Variants in ITPRID1 observed in about 807,000 individuals in gnomAD.
The protein encoded by ITPRID1 is protein ITPRID1.
In ITPRID1, 96 loss-of-function variants were observed where a neutral mutation model predicts 95.4. The observed-to-expected ratio is 1.01, with a 90% CI of 0.85 to 1.19. The LOEUF (loss-of-function observed/expected upper bound fraction) is 1.19, where lower values mean the gene tolerates loss of function less well. Among genes scored for constraint, ITPRID1 ranks in the 50% most tolerant of loss-of-function variants. The pLI is 0.00. For synonymous variants in ITPRID1, 510 were observed against 453.6 expected (o/e 1.12, Z -1.58); for missense variants, 1,339 against 1,252.9 (o/e 1.07, Z -1.04).
intron 8 of ITPRID1, 46 bp from the exon 9 acceptor site, chr7:31,577,817 C>CA (rs751954369): frequency 2.0e-6 from 3 of 1,469,824 alleles, no homozygotes; most frequent in East Asian, 4.7e-5. Flanking sequence ...ATGGTTTCAG[C>CA]AAAAAAGACC....
At chr7:31,563,878 T>C (rs574896785) in intron 5 of ITPRID1, among the ~76,000 whole-genome samples, 167 of 152,178 alleles carry the variant, frequency 1.1e-3, no homozygotes, top group African/African-American at 3.9e-3. Flanking sequence ...GTCAGCAGAG[T>C]GTAAGAGACT....
chr7:31,596,176 A>T (rs1222480697), intron 10 of ITPRID1, among the ~76,000 whole-genome samples: 1 of 151,466 alleles, frequency 6.6e-6, no homozygotes, highest in Admixed American at 6.6e-5. Flanking sequence ...AGAAAAGATA[A>T]ATAAGCTAAT....
chr7:31,594,887 T>C (rs1393613827), intron 10 of ITPRID1, among the ~76,000 whole-genome samples: 2 of 151,974 alleles, frequency 1.3e-5, no homozygotes, highest in Admixed American at 1.3e-4. Context: ...GGGGAGCTTT[T>C]AATATTCCTT....
At chr7:31,589,270 A>G (rs1785760749) in intron 10 of ITPRID1, among the ~76,000 whole-genome samples, 1 of 152,142 alleles carries the variant, frequency 6.6e-6, no homozygotes, top group Admixed American at 6.6e-5. Flanking sequence ...GTTATCCAAC[A>G]ATCGGAAGAT....
chr7:31,642,786 G>A lies in ITPRID1; in HGVS notation c.1416G>A (p.Ser472=), dbSNP rs146986060. The change falls in exon 12 of 15, where the codon TCG becomes TCA. Residue 472 remains serine (S), a synonymous_variant. Transcript: ENST00000615280. ...CATCCCAGGACTGTCAGCTAGAGTC[G>A]GATGGGCCAGATTCCAAAAGTAGGG... The part of the protein sequence containing the change: ...LVSSQDCQLE[S]DGPDSKSRAS... 3.0e-5 allele frequency: 49 copies of A among 1,613,956 alleles called. No homozygotes were observed. The highest frequency in any genetic ancestry group is 1.8e-4 in the East Asian group (8 of 44,862).
intron 1 of ITPRID1, among the ~76,000 whole-genome samples, chr7:31,530,571 A>G (rs1783564909): frequency 6.6e-6 from 1 of 152,192 alleles, no homozygotes; most frequent in African/African-American, 2.4e-5. Context: ...ATTCACATGT[A>G]ATTGCCTTTT....
intron 1 of ITPRID1, among the ~76,000 whole-genome samples, chr7:31,534,514 T>C (rs553194302): frequency 6.6e-6 from 1 of 152,306 alleles, no homozygotes; most frequent in Admixed American, 6.5e-5. Flanking sequence ...CATTGCTTTT[T>C]TTACTCTGCT....
At chr7:31,612,433 A>G (rs965949417) in intron 10 of ITPRID1, among the ~76,000 whole-genome samples, 1 of 152,030 alleles carries the variant, frequency 6.6e-6, no homozygotes, top group African/African-American at 2.4e-5. Context: ...GGTTTGTTGT[A>G]AACTGGACAT....
intron 14 of ITPRID1, 130 bp from the exon 15 acceptor site, chr7:31,652,388 C>A: frequency 7.4e-7 from 1 of 1,358,826 alleles, no homozygotes. Flanking sequence ...CTATCAGAAT[C>A]TGCTGCTGGC....
Position 31,655,746 on chromosome 7 carries a change from C to A in ITPRID1, c.*2917C>A, listed in dbSNP as rs867842414. The A allele has an allele frequency of 5.2e-5, 51 of 985,686 alleles. No homozygotes were observed. In the Middle Eastern group the frequency reaches 1.6e-3, roughly 30 times the overall value. The allele number at this position is 985,686 out of a possible 1,614,324, so 61.1% of individuals were successfully genotyped here. ...TGCATTTGTGCCTCCAAATCGTTTC[C>A]CTTGCTAAACTCCTAAGCTTTTTAC... On this transcript the variant is annotated 3_prime_UTR_variant, in exon 15 of 15. Coordinates refer to ENST00000615280, the MANE Select transcript of ITPRID1 (RefSeq NM_001257967.3).
intron 10 of ITPRID1, among the ~76,000 whole-genome samples, chr7:31,619,117 G>C (rs1196901540): frequency 6.6e-6 from 1 of 152,112 alleles, no homozygotes; most frequent in Admixed American, 6.5e-5. Context: ...GTGTATATTA[G>C]TCACAACATT....
intron 1 of ITPRID1, among the ~76,000 whole-genome samples, chr7:31,543,809 C>A (rs904015964): frequency 3.3e-5 from 5 of 151,988 alleles, no homozygotes; most frequent in Non-Finnish European, 2.9e-5. Context: ...ATGGATTGTT[C>A]CTTTGGTGTC....
intron 1 of ITPRID1, among the ~76,000 whole-genome samples, chr7:31,548,390 G>A (rs866403012): frequency 6.6e-6 from 1 of 152,116 alleles, no homozygotes; most frequent in African/African-American, 2.4e-5. Context: ...AGGTCTGGAA[G>A]CAGCAACAAA....
intron 2 of ITPRID1, chr7:31,552,022 A>T: frequency 2.7e-6 from 1 of 365,796 alleles, no homozygotes; most frequent in South Asian, 2.0e-5. Flanking sequence ...TAAATTCTAG[A>T]GATACATAAA....
At chr7:31,625,817 GTCTT>G (rs1562626557) in intron 10 of ITPRID1, among the ~76,000 whole-genome samples, 18 of 128,796 alleles carry the variant, frequency 1.4e-4, no homozygotes, top group African/African-American at 4.5e-4. Context: ...TCCTTAGAAT[GTCTT>G]TTTTTTTAAA....
intron 6 of ITPRID1, among the ~76,000 whole-genome samples, chr7:31,570,381 A>C (rs1379406816): frequency 6.6e-6 from 1 of 152,142 alleles, no homozygotes; most frequent in African/African-American, 2.4e-5. Context: ...GTATTTGTGC[A>C]TGTCCTTCAG....
chr7:31,607,813 C>T (rs1288087444), intron 10 of ITPRID1, among the ~76,000 whole-genome samples: 34 of 151,442 alleles, frequency 2.2e-4, no homozygotes. Flanking sequence ...CCTGTTTCTT[C>T]ATTTCTTTAT....
At chr7:31,621,970 A>G (rs1302349999) in intron 10 of ITPRID1, among the ~76,000 whole-genome samples, 4 of 147,150 alleles carry the variant, frequency 2.7e-5, no homozygotes, top group African/African-American at 1.0e-4. Context: ...CTCTGATAAA[A>G]CAGACTTTAA....
downstream of ITPRID1, among the ~76,000 whole-genome samples, chr7:31,657,207 G>C (rs1211688466): frequency 1.5e-4 from 2 of 13,156 alleles, no homozygotes; most frequent in African/African-American, 7.0e-4. Flanking sequence ...CAAAAAGACT[G>C]TAAGTTGTCT....
Sources: allele counts gnomAD v4.1 joint callset (sites outside exome capture counted in the v4.1 genomes callset), GRCh38; gene constraint gnomAD v4.1.1; transcripts MANE v1.5; gene names NCBI Gene and HGNC (gene_info 2026-07-23, HGNC 2026-07-21).